The following PKHD1 variants were observed in gnomAD, a reference collection of about 807,000 sequenced individuals.
The protein encoded by PKHD1 is PKHD1 ciliary IPT domain containing fibrocystin/polyductin.
PKHD1 carries 291 observed loss-of-function variants against 412.0 expected under a neutral mutation model. The ratio of observed to expected loss-of-function variants is 0.71; its 90% CI spans 0.64 to 0.78. PKHD1 has a LOEUF of 0.78. Among genes scored for constraint, PKHD1 ranks in the 30% least tolerant of loss-of-function variants. The pLI is 0.00. For synonymous variants in PKHD1, 1,777 were observed against 1,821.5 expected (o/e 0.98, Z 0.62); for missense variants, 4,825 against 4,950.7 (o/e 0.97, Z 0.76).
At chr6:51,647,189 C>T (rs373001174) in intron 63 of PKHD1, among the ~76,000 whole-genome samples, 5 of 152,180 alleles carry the variant, frequency 3.3e-5, no homozygotes, top group Admixed American at 1.3e-4. Flanking sequence ...TGAACAATTT[C>T]GTAATAAATT....
intron 7 of PKHD1, among the ~76,000 whole-genome samples, chr6:52,073,021 C>T (rs568600965): frequency 6.6e-6 from 1 of 152,298 alleles, no homozygotes; most frequent in African/African-American, 2.4e-5. Context: ...AGCTCTATGG[C>T]TTTTAATACC....
intron 35 of PKHD1, among the ~76,000 whole-genome samples, chr6:51,978,563 G>A (rs1794751723): frequency 6.6e-6 from 1 of 152,240 alleles, no homozygotes; most frequent in East Asian, 1.9e-4. Context: ...AGAGGATTAG[G>A]GGAAGTTTGG....
At chr6:51,949,239 T>C (rs1789933215) in intron 36 of PKHD1, among the ~76,000 whole-genome samples, 1 of 152,198 alleles carries the variant, frequency 6.6e-6, no homozygotes, top group South Asian at 2.1e-4. Flanking sequence ...TAGCAGCCTA[T>C]ATATTCTTAC....
intron 48 of PKHD1, among the ~76,000 whole-genome samples, chr6:51,860,033 T>C (rs1773942868): frequency 6.6e-6 from 1 of 152,378 alleles, no homozygotes. Flanking sequence ...GCCTTGAGTC[T>C]ATCAAGCTCC....
chr6:51,685,503 AT>A (rs1053908284), intron 60 of PKHD1, among the ~76,000 whole-genome samples: 4 of 152,050 alleles, frequency 2.6e-5, no homozygotes, highest in African/African-American at 4.8e-5. Context: ...GTTAAAAAAA[AT>A]TTTTTTAAAG....
chr6:51,945,422 T>G (rs1170297990), intron 36 of PKHD1, among the ~76,000 whole-genome samples: 1 of 152,170 alleles, frequency 6.6e-6, no homozygotes, highest in Non-Finnish European at 1.5e-5. Flanking sequence ...CTATTAATGG[T>G]CTGTGGTTTC....
chr6:51,776,612 C>T (rs1444135408), intron 53 of PKHD1, among the ~76,000 whole-genome samples: 3 of 151,966 alleles, frequency 2.0e-5, no homozygotes, highest in African/African-American at 7.2e-5. Flanking sequence ...TAATTATTAT[C>T]CCAGTTTTAA....
At chr6:51,823,473 G>A (rs1341006505) in intron 52 of PKHD1, among the ~76,000 whole-genome samples, 1 of 152,078 alleles carries the variant, frequency 6.6e-6, no homozygotes, top group Non-Finnish European at 1.5e-5. Flanking sequence ...CTCTATTAGA[G>A]TAAAACTCGA....
At chr6:51,990,185 C>T (rs960042421) in intron 35 of PKHD1, among the ~76,000 whole-genome samples, 3 of 151,688 alleles carry the variant, frequency 2.0e-5, no homozygotes, top group East Asian at 2.0e-4. Context: ...CTAGATAACA[C>T]ACTCTATCAA....
At chr6:51,643,405 A>T (rs1769638792) in intron 63 of PKHD1, among the ~76,000 whole-genome samples, 1 of 149,070 alleles carries the variant, frequency 6.7e-6, no homozygotes, top group Non-Finnish European at 1.5e-5. Flanking sequence ...AAAAAAAAAA[A>T]TGACCAGGAG....
At chr6:51,646,478 C>T (rs1207168439) in intron 63 of PKHD1, among the ~76,000 whole-genome samples, 1 of 152,178 alleles carries the variant, frequency 6.6e-6, no homozygotes, top group Non-Finnish European at 1.5e-5. Flanking sequence ...AAGAAAAAAA[C>T]TCTTGTGACA....
intron 66 of PKHD1, 60 bp downstream of exon 66, chr6:51,626,937 G>A (rs184691803): frequency 2.5e-6 from 4 of 1,582,842 alleles, no homozygotes; most frequent in African/African-American, 2.7e-5. Flanking sequence ...AGGAGAGGGA[G>A]GCTCAGACCA....
intron 35 of PKHD1, among the ~76,000 whole-genome samples, chr6:51,986,938 A>G (rs1796291293): frequency 6.6e-6 from 1 of 152,260 alleles, no homozygotes; most frequent in Non-Finnish European, 1.5e-5. Context: ...TGGCACACAC[A>G]TAATCTAGCA....
chr6:51,685,867 T>C (rs973146236), intron 60 of PKHD1, among the ~76,000 whole-genome samples: 2 of 152,126 alleles, frequency 1.3e-5, no homozygotes, highest in South Asian at 2.1e-4. Context: ...GAAGATATGG[T>C]GGAGCCTTGG....
chr6:51,637,808 G>A (rs1455292704), intron 64 of PKHD1, among the ~76,000 whole-genome samples: 5 of 152,078 alleles, frequency 3.3e-5, no homozygotes, highest in African/African-American at 1.2e-4. Context: ...GGAGGCTGAG[G>A]CAGAAGAATT....
chr6:52,080,978 C>T (rs1457204160), intron 4 of PKHD1, among the ~76,000 whole-genome samples: 1 of 152,048 alleles, frequency 6.6e-6, no homozygotes, highest in African/African-American at 2.4e-5. Context: ...TTTGATGCTG[C>T]AATGGCTGTT....
At chr6:51,638,987 G>T in intron 63 of PKHD1, 31 bp from the exon 64 acceptor site, 1 of 1,407,984 alleles carries the variant, frequency 7.1e-7, no homozygotes, top group Non-Finnish European at 1.0e-6. Flanking sequence ...AAAATTAGCT[G>T]TTTATTATCT....
intron 46 of PKHD1, among the ~76,000 whole-genome samples, chr6:51,875,055 C>G (rs1303422957): frequency 2.9e-5 from 1 of 34,730 alleles, no homozygotes; most frequent in Non-Finnish European, 4.8e-5. Flanking sequence ...CTTTTCAGAC[C>G]GGCTTAAGAA....
intron 60 of PKHD1, among the ~76,000 whole-genome samples, chr6:51,724,927 A>G (rs1782384940): frequency 6.6e-6 from 1 of 152,198 alleles, no homozygotes; most frequent in African/African-American, 2.4e-5. Context: ...AAAAATTTTA[A>G]TCATGCAGTG....
Sources: gnomAD v4.1 joint callset for allele counts (sites outside exome capture counted in the v4.1 genomes callset) on GRCh38, gnomAD v4.1.1 for gene constraint, MANE v1.5 for transcripts, NCBI Gene and HGNC (gene_info 2026-07-23, HGNC 2026-07-21) for gene names.